The following KRTAP9-9 variants were observed in gnomAD, a reference collection of about 807,000 sequenced individuals.
The protein encoded by KRTAP9-9 is keratin-associated protein 9-9.
In KRTAP9-9, 12 loss-of-function variants were observed where a neutral mutation model predicts 13.7. That is an observed-to-expected ratio of 0.88 (90% CI 0.56 to 1.42). The LOEUF (loss-of-function observed/expected upper bound fraction) is 1.42, where lower values mean the gene tolerates loss of function less well. Among genes scored for constraint, KRTAP9-9 ranks in the 40% most tolerant of loss-of-function variants. The pLI is 0.00. For synonymous variants in KRTAP9-9, 81 were observed against 78.1 expected (o/e 1.04, Z -0.19); for missense variants, 194 against 206.5 (o/e 0.94, Z 0.37).
chr17:41,255,660 G>A, exon 1 of KRTAP9-9: 2 of 1,610,974 alleles, frequency 1.2e-6, no homozygotes, highest in East Asian at 2.2e-5. Flanking sequence ...AGCTGCTGTG[G>A]CCAAACCAGC....
In KRTAP9-9 at chr17:41,255,874, C is replaced by T. The variant is rs201003546; in HGVS notation, c.489C>T (p.Cys163=). The change falls in exon 1 of 1, where the codon TGC becomes TGT. Residue 163 remains cysteine (C), a synonymous_variant. Transcript: ENST00000394008. ...TCCAGCCCACCTGTGTGTCCAGCTG[C>T]TGCCAGCCTTCTTGCTGCTGATCAA... 29 of 1,614,070 alleles carry T rather than the reference C, an allele frequency of 1.8e-5. No homozygotes were observed. The Middle Eastern group carries it at 8.2e-4, about 46-fold the overall frequency.
exon 1 of KRTAP9-9, chr17:41,255,651 G>A: frequency 6.2e-7 from 1 of 1,612,890 alleles, no homozygotes; most frequent in Non-Finnish European, 8.5e-7. Flanking sequence ...TGTGGGTCCA[G>A]CTGCTGTGGC....
At chr17:41,256,063 A>T in exon 1 of KRTAP9-9, 1 of 1,301,802 alleles carries the variant, frequency 7.7e-7, no homozygotes, top group Admixed American at 2.4e-5. Context: ...GGGAGGGCAG[A>T]ATACTTCATC....
chr17:41,256,102 A>G, exon 1 of KRTAP9-9: 1 of 900,502 alleles, frequency 1.1e-6, no homozygotes, highest in Non-Finnish European at 1.7e-6. Context: ...TACCTTGTGA[A>G]TCATGTGCCA....
exon 1 of KRTAP9-9, chr17:41,255,980 C>G (rs1160074074): frequency 5.7e-6 from 9 of 1,568,252 alleles, no homozygotes; most frequent in Middle Eastern, 1.7e-4. Context: ...TACCTTACTG[C>G]TGACAGCAAC....
At chr17:41,255,857 A>G (rs774884956) in exon 1 of KRTAP9-9, 4 of 1,613,158 alleles carry the variant, frequency 2.5e-6, no homozygotes, top group Non-Finnish European at 3.4e-6. Context: ...CTTCCAGCCC[A>G]CCTGTGTGTC....
Position 41,256,178 on chromosome 17 carries a change from T to A in KRTAP9-9, c.*283T>A, listed in dbSNP as rs2016321483. 3.4e-5 allele frequency: 20 copies of A among 581,070 alleles called. No individual in the cohort carries two copies. The South Asian group carries it at 5.1e-4, about 15-fold the overall frequency. The allele number at this position is 581,070 out of a possible 1,614,324, so 36.0% of individuals were successfully genotyped here. A position where few individuals can be genotyped will look rare whatever the true frequency, so the allele number is the denominator to read the frequency against. ...GACTCAAAAGTCAAGAGCTTCATTCTCTTCACTTAAGAAACTTAAGTTGCT... is the reference window on the plus strand; with the variant it reads ...GACTCAAAAGTCAAGAGCTTCATTCACTTCACTTAAGAAACTTAAGTTGCT... On this transcript the variant is annotated 3_prime_UTR_variant, in exon 1 of 1. Transcript: ENST00000394008.
chr17:41,255,793 C>T lies in KRTAP9-9; in HGVS notation c.408C>T (p.Cys136=), dbSNP rs2016311755. The T allele has an allele frequency of 1.9e-6, 3 of 1,613,678 alleles. No homozygotes were observed. The East Asian group carries it at 6.7e-5, about 36-fold the overall frequency. The change falls in exon 1 of 1, where the codon TGC becomes TGT. Residue 136 remains cysteine (C), a synonymous_variant. Transcript: ENST00000394008. ...ACCAGAGCTGTGGATCCAGCTGCTG[C>T]CAGCCCTGCTGCCGCCCCGCCTGCT...
exon 1 of KRTAP9-9, chr17:41,256,193 C>G: frequency 1.8e-6 from 1 of 545,916 alleles, no homozygotes. Context: ...ACTTAAGAAA[C>G]TTAAGTTGCT....
At chr17:41,256,109 GC>G in exon 1 of KRTAP9-9, 1 of 869,174 alleles carries the variant, frequency 1.2e-6, no homozygotes, top group Non-Finnish European at 1.8e-6. Flanking sequence ...TGAATCATGT[GC>G]CAGCTTCATG....
exon 1 of KRTAP9-9, chr17:41,255,437 T>TGCTGCAGGACCACCG (rs2016299289): frequency 6.4e-7 from 1 of 1,574,696 alleles, no homozygotes; most frequent in Non-Finnish European, 8.6e-7. Flanking sequence ...CAGGACCACC[T>TGCTGCAGGACCACCG]GCTGGAAGCC....
At chr17:41,256,184 C>T (rs2016321564) in exon 1 of KRTAP9-9, 2 of 559,080 alleles carry the variant, frequency 3.6e-6, no homozygotes, top group Non-Finnish European at 6.4e-6. Flanking sequence ...ATTCTCTTCA[C>T]TTAAGAAACT....
At chr17:41,255,461 A>C (rs1274082353) in exon 1 of KRTAP9-9, 29 of 1,578,110 alleles carry the variant, frequency 1.8e-5, no homozygotes, top group Admixed American at 1.1e-4. Context: ...CACTGTGACC[A>C]CCTGCAGCAG....
chr17:41,255,811 C>T (rs773752040), exon 1 of KRTAP9-9: 35 of 1,609,612 alleles, frequency 2.2e-5, no homozygotes, highest in Non-Finnish European at 2.8e-5. Context: ...GCTGCCGCCC[C>T]GCCTGCTGTG....
At chr17:41,255,765 T>C (rs1389948674) in exon 1 of KRTAP9-9, 1 of 1,609,108 alleles carries the variant, frequency 6.2e-7, no homozygotes, top group Non-Finnish European at 8.5e-7. Flanking sequence ...CCTGGTTGCC[T>C]CAACCAGAGC....
In KRTAP9-9 at chr17:41,255,533, G is replaced by T. The variant is rs762690488; in HGVS notation, c.148G>T (p.Ala50Ser). 3.7e-6 allele frequency: 6 copies of T among 1,612,542 alleles called. No individual in the cohort carries two copies. The South Asian group carries it at 6.6e-5, about 18-fold the overall frequency. ...CTGCTGCCAGCCTTGCTGCCGCCCA[G>T]CTTGCTGTCAAAACACCTGCTGCAG... is the stretch of plus-strand genomic sequence containing the variant. Residue 50 changes from alanine (A) to serine (S), a missense_variant, in exon 1 of 1, where the codon GCT becomes TCT. Ala to Ser is a moderately conservative substitution (Grantham distance 99). Coordinates refer to ENST00000394008, the Ensembl canonical transcript of KRTAP9-9.
At chr17:41,256,268 G>T in exon 1 of KRTAP9-9, 1 of 310,676 alleles carries the variant, frequency 3.2e-6, no homozygotes, top group Non-Finnish European at 6.2e-6. Context: ...CTTGTATCCT[G>T]CTTCCTTCTT....
exon 1 of KRTAP9-9, chr17:41,256,058 G>A: frequency 1.5e-6 from 2 of 1,338,892 alleles, no homozygotes; most frequent in African/African-American, 1.5e-5. Flanking sequence ...CTTGAGGGAG[G>A]GCAGAATACT....
At chr17:41,255,768 A>T (rs949878008) in exon 1 of KRTAP9-9, 1 of 1,602,314 alleles carries the variant, frequency 6.2e-7, no homozygotes. Context: ...GGTTGCCTCA[A>T]CCAGAGCTGT....
Sources: gnomAD v4.1 joint callset for allele counts on GRCh38, gnomAD v4.1.1 for gene constraint, MANE v1.5 for transcripts, NCBI Gene and HGNC (gene_info 2026-07-23, HGNC 2026-07-21) for gene names.